The following BRWD1 variants were observed in gnomAD, a reference collection of about 807,000 sequenced individuals.
BRWD1 encodes bromodomain and WD repeat domain containing 1.
A neutral mutation model predicts 251.2 loss-of-function variants in BRWD1; 82 were observed. The observed-to-expected ratio is 0.33, with a 90% CI of 0.27 to 0.39. BRWD1 has a LOEUF of 0.39. Ranked by LOEUF, BRWD1 falls within the 10% of genes least tolerant of loss-of-function variation. The probability of loss-of-function intolerance (pLI) is 1.00; values close to 1 mark genes in which losing one functional copy is unlikely to be tolerated. For missense variants in BRWD1, 2,233 were observed against 2,711.6 expected, an observed-to-expected ratio of 0.82 and a Z score of 3.92; for synonymous variants, 918 against 902.8, an observed-to-expected ratio of 1.02 and a Z score of -0.30.
chr21:39,249,459 T>C (rs2034316682), intron 20 of BRWD1, among the ~76,000 whole-genome samples: 1 of 131,702 alleles, frequency 7.6e-6, no homozygotes, highest in Admixed American at 8.2e-5. Flanking sequence ...ATGTTTTAAA[T>C]ATATTTTTAT....
intron 15 of BRWD1, among the ~76,000 whole-genome samples, chr21:39,267,290 A>G (rs1601420162): frequency 6.6e-6 from 1 of 151,930 alleles, no homozygotes; most frequent in Non-Finnish European, 1.5e-5. Flanking sequence ...ATGCTACTAC[A>G]CTGCCTCTAA....
intron 8 of BRWD1, among the ~76,000 whole-genome samples, chr21:39,284,316 C>T (rs6517538): frequency 0.3 from 45,919 of 151,962 alleles, 7,405 homozygotes; most frequent in Middle Eastern, 0.35. Context: ...ACTGTCTCTA[C>T]AAAAAATTAA....
chr21:39,207,992 T>G (rs2032486674), intron 36 of BRWD1, among the ~76,000 whole-genome samples: 1 of 152,114 alleles, frequency 6.6e-6, no homozygotes, highest in Non-Finnish European at 1.5e-5. Flanking sequence ...TTCCAAGGAC[T>G]GGGGGTGAGG....
intron 22 of BRWD1, among the ~76,000 whole-genome samples, chr21:39,237,185 G>A (rs182927110): frequency 6.6e-6 from 1 of 152,220 alleles, no homozygotes; most frequent in East Asian, 1.9e-4. Flanking sequence ...GGAAGCTGAG[G>A]TATAGACCAG....
At chr21:39,318,158 G>C (rs947448643), upstream of BRWD1, among the ~76,000 whole-genome samples, 7 of 152,076 alleles carry the variant, frequency 4.6e-5, no homozygotes, top group Admixed American at 6.6e-5. Context: ...ATTCAGTAAG[G>C]CCTTCCAAAT....
At position 39,285,192 on chromosome 21, in the gene BRWD1, TA is replaced by T. The variant is rs372933286; in HGVS notation, c.832-4945del. ...TCGTTTGTGGTAATATGGATGAACC[TA>T]AAGGCCATTATGTTAAGTGAAATAG... On this transcript the variant is annotated intron_variant, in intron 8 of 40. Coordinates refer to ENST00000342449, the MANE Select transcript of BRWD1 (RefSeq NM_033656.4). Among the ~76,000 whole-genome samples, 45 of 152,266 alleles carry T rather than the reference TA, an allele frequency of 3.0e-4. No homozygotes were observed. The East Asian group carries it at 7.0e-3, about 24-fold the overall frequency.
chr21:39,234,293 CAGA>C (rs2033731464), intron 23 of BRWD1, among the ~76,000 whole-genome samples: 1 of 152,128 alleles, frequency 6.6e-6, no homozygotes, highest in Non-Finnish European at 1.5e-5. Flanking sequence ...AAGTACAATA[CAGA>C]AGGAGCTTAT....
chr21:39,315,037 C>T (rs1049755370), upstream of BRWD1: 2 of 152,188 alleles, frequency 1.3e-5, no homozygotes, highest in African/African-American at 4.8e-5. Flanking sequence ...GGGTCTTGCT[C>T]TCAGGCTGGA....
rs764166910 is a variant in BRWD1 at position 39,213,571 on chromosome 21, A to C, written c.3786-18T>G. The C allele has an allele frequency of 3.2e-6, 5 of 1,539,644 alleles. No homozygotes were observed. The highest frequency in any genetic ancestry group is 2.3e-5 in the East Asian group (1 of 44,248). Reference sequence around the variant, plus strand: ...GTTGATTCCTAAAAAACAAATTTTCACTTTAATAGTATGCAGATGTAGTGA... The same window carrying C: ...GTTGATTCCTAAAAAACAAATTTTCCCTTTAATAGTATGCAGATGTAGTGA... On this transcript the variant is annotated intron_variant, in intron 32 of 40. Transcript: ENST00000342449.
chr21:39,236,260 C>T (rs575225798), intron 23 of BRWD1, among the ~76,000 whole-genome samples: 2 of 152,220 alleles, frequency 1.3e-5, no homozygotes, highest in African/African-American at 2.4e-5. Context: ...ACTATATCTG[C>T]CCCCACCCAT....
upstream of BRWD1, chr21:39,313,867 C>T (rs1179098541): frequency 1.5e-5 from 5 of 336,576 alleles, no homozygotes; most frequent in East Asian, 3.1e-4. Flanking sequence ...TGGTCCGAAT[C>T]CCTGCGCGCA....
At chr21:39,184,494 T>C (rs1329786728), downstream of BRWD1, 2 of 152,222 alleles carry the variant, frequency 1.3e-5, no homozygotes, top group African/African-American at 2.4e-5. Flanking sequence ...GTTTCCTAGA[T>C]TTAGTTGTAC....
intron 37 of BRWD1, among the ~76,000 whole-genome samples, chr21:39,204,235 T>C (rs1260775516): frequency 6.7e-6 from 1 of 149,874 alleles, no homozygotes; most frequent in African/African-American, 2.5e-5. Flanking sequence ...GCCAAGTTCC[T>C]ATATGTACTG....
intron 2 of BRWD1, 27 bp downstream of exon 2, chr21:39,313,214 C>T: frequency 1.3e-6 from 2 of 1,522,278 alleles, no homozygotes; most frequent in South Asian, 1.2e-5. Flanking sequence ...ACGCCAAGTC[C>T]GCAGCCGCCC....
At chr21:39,312,741 A>T in intron 4 of BRWD1, 100 bp downstream of exon 4, 1 of 895,524 alleles carries the variant, frequency 1.1e-6, no homozygotes, top group Non-Finnish European at 1.7e-6. Flanking sequence ...AGTGCGGGTC[A>T]CACTTTGCAC....
Position 39,196,083 on chromosome 21 carries a change from A to T in BRWD1, c.*176T>A, listed in dbSNP as rs926999451. 2.9e-6 allele frequency: 4 copies of T among 1,369,416 alleles called. No individual in the cohort carries two copies. Among genetic ancestry groups the T allele is most frequent in the Non-Finnish European group, 3.8e-6 (4 of 1,066,604 alleles). 84.8% of individuals were successfully genotyped at this position (1,369,416 alleles called of 1,614,324 possible). A position where few individuals can be genotyped will look rare whatever the true frequency, so the allele number is the denominator to read the frequency against. ...TGGCACCTGTGCTGAATGCTGCTAC[A>T]AAGACCAGCAAGTGCAAATAAAAAT... On this transcript the variant is annotated 3_prime_UTR_variant, in exon 41 of 41. Transcript: ENST00000342449.
intron 8 of BRWD1, among the ~76,000 whole-genome samples, chr21:39,292,062 C>G (rs544380890): frequency 6.9e-6 from 1 of 145,090 alleles, no homozygotes; most frequent in Admixed American, 7.4e-5. Flanking sequence ...CCTCCCTCAA[C>G]CTCAGGAGTA....
In BRWD1 at chr21:39,191,082, T is replaced by C. The variant is rs945456699; in HGVS notation, c.*5177A>G. ...TTTATACTTAACTGCTTAATTTGCT[T>C]TTTAGAAGCAATACCTTAAGAGCAT... On this transcript the variant is annotated 3_prime_UTR_variant, in exon 41 of 41. Transcript: ENST00000342449. The C allele has an allele frequency of 2.2e-5, 22 of 985,240 alleles. No homozygotes were observed. Among genetic ancestry groups the C allele is most frequent in the Non-Finnish European group, 2.7e-5 (22 of 829,886 alleles). 61.0% of individuals were successfully genotyped at this position (985,240 alleles called of 1,614,324 possible). A position where few individuals can be genotyped will look rare whatever the true frequency, so the allele number is the denominator to read the frequency against.
Position 39,264,973 on chromosome 21 carries a change from T to G in BRWD1, c.1577A>C (p.Gln526Pro). The change falls in exon 16 of 41, where the codon CAG (glutamine) becomes CCG (proline). Residue 526 changes from glutamine (Q) to proline (P), a missense_variant. Around this residue, in one of 12 missense-constraint regions of BRWD1, gnomAD observed 315 missense variants for 421.8 expected, o/e 0.75. Coordinates refer to ENST00000342449, the MANE Select transcript of BRWD1 (RefSeq NM_033656.4). The stretch of plus-strand genomic sequence containing the variant: ...TGTACAGGCAAAATGCTGTCCATCC[T>G]GTGAAAACTTACAGTCAAACACAGC... ...HGAVFDCKFS[Q>P]DGQHFACTDS... 6.2e-7 allele frequency: 1 copy of G among 1,613,994 alleles called. No homozygotes were observed. Among genetic ancestry groups the G allele is most frequent in the Non-Finnish European group, 8.5e-7 (1 of 1,179,904 alleles).
Sources: gnomAD v4.1 joint callset for allele counts (sites outside exome capture counted in the v4.1 genomes callset) on GRCh38, gnomAD v4.1.1 for gene constraint, gnomAD v4.1.1 regional missense constraint, MANE v1.5 for transcripts, NCBI Gene and HGNC (gene_info 2026-07-23, HGNC 2026-07-21) for gene names.